Variants in AMZ1 observed in about 807,000 individuals in gnomAD.
The protein encoded by AMZ1 is archaelysin family metallopeptidase 1.
A neutral mutation model predicts 29.9 loss-of-function variants in AMZ1; 39 were observed. The observed-to-expected ratio is 1.30, with a 90% CI of 1.01 to 1.70. AMZ1 has a LOEUF of 1.70. Ranked by LOEUF, AMZ1 falls within the 40% of genes most tolerant of loss-of-function variation. The pLI, the probability that AMZ1 is intolerant of heterozygous loss-of-function variation, is 0.00. For synonymous variants in AMZ1, 458 were observed against 304.0 expected, an observed-to-expected ratio of 1.51 and a Z score of -5.27; for missense variants, 1,041 against 680.6, an observed-to-expected ratio of 1.53 and a Z score of -5.89.
At chr7:2,688,815 G>T (rs1212212679) in intron 1 of AMZ1, among the ~76,000 whole-genome samples, 3 of 152,220 alleles carry the variant, frequency 2.0e-5, no homozygotes, top group Non-Finnish European at 4.4e-5. Flanking sequence ...GACTGAGGGA[G>T]AAGGCTGTGG....
intron 2 of AMZ1, 44 bp from the exon 3 acceptor site, chr7:2,702,678 C>G: frequency 6.7e-7 from 1 of 1,484,744 alleles, no homozygotes. Flanking sequence ...GGGTCCCAGG[C>G]GGGCAGGGGC....
chr7:2,739,055 G>A (rs1790364199), intron 4 of AMZ1, among the ~76,000 whole-genome samples: 1 of 152,236 alleles, frequency 6.6e-6, no homozygotes, highest in South Asian at 2.1e-4. Flanking sequence ...ACAACTGTAA[G>A]CTCAGGCTCC....
chr7:2,696,458 C>T lies in AMZ1; in HGVS notation c.-218-3776C>T, dbSNP rs374014763. On this transcript the variant is annotated intron_variant, in intron 1 of 6. Coordinates refer to ENST00000683327, the MANE Select transcript of AMZ1 (RefSeq NM_001384743.1). ...ATTTTTAGTAGAGACGGGGTTTCACCATGTTAGCCAGGATGGTCTCGATCT... is the reference window on the plus strand; with the variant it reads ...ATTTTTAGTAGAGACGGGGTTTCACTATGTTAGCCAGGATGGTCTCGATCT... Among the ~76,000 whole-genome samples, 248 of 150,468 alleles carry T rather than the reference C, an allele frequency of 1.6e-3. 1 individual carries two copies. Among genetic ancestry groups the T allele is most frequent in the South Asian group, 9.9e-3 (46 of 4,666 alleles).
chr7:2,682,047 C>T (rs577095803), intron 1 of AMZ1, among the ~76,000 whole-genome samples: 1 of 152,298 alleles, frequency 6.6e-6, no homozygotes, highest in South Asian at 2.1e-4. Flanking sequence ...CCCCCAGCTC[C>T]AGCCGCTCTG....
At position 2,709,122 on chromosome 7, in the gene AMZ1, T is replaced by G. The variant is rs1788571723; in HGVS notation, c.649T>G (p.Ser217Ala). Reference sequence around the variant, plus strand: ...CCGGTTCTCAGGGGAATTCCCGAAGTCGGGGCCCAGCGCCCCTGATCTGGC... The same window carrying G: ...CCGGTTCTCAGGGGAATTCCCGAAGGCGGGGCCCAGCGCCCCTGATCTGGC... ...FARFSGEFPKSGPSAPDLALV... is the reference protein window; with the variant it reads ...FARFSGEFPKAGPSAPDLALV... Residue 217 changes from serine (S) to alanine (A), a missense_variant, in exon 5 of 7, where the codon TCG becomes GCG. Physicochemically the swap from Ser to Ala is moderately conservative, Grantham distance 99. Coordinates refer to ENST00000683327, the MANE Select transcript of AMZ1 (RefSeq NM_001384743.1). 7 of 1,600,598 alleles carry G rather than the reference T, an allele frequency of 4.4e-6. No individual in the cohort carries two copies. The highest frequency in any genetic ancestry group is 6.0e-6 in the Non-Finnish European group (7 of 1,173,886).
chr7:2,710,556 G>A (rs1788708997), intron 6 of AMZ1, among the ~76,000 whole-genome samples: 1 of 152,274 alleles, frequency 6.6e-6, no homozygotes, highest in African/African-American at 2.4e-5. Flanking sequence ...CCCCTGCAGG[G>A]CCTAGCTGGG....
intron 4 of AMZ1, among the ~76,000 whole-genome samples, chr7:2,751,399 G>GAA (rs67434697): frequency 0.035 from 3,510 of 101,158 alleles, 79 homozygotes; most frequent in African/African-American, 0.079. Flanking sequence ...AAAGAAAAAA[G>GAA]AAAAAAAAAA....
chr7:2,754,602 G>T (rs1791201341), intron 4 of AMZ1, among the ~76,000 whole-genome samples: 1 of 150,448 alleles, frequency 6.6e-6, no homozygotes, highest in African/African-American at 2.4e-5. Flanking sequence ...AAAAAAATTA[G>T]CCAGGTATAG....
At chr7:2,735,480 C>T (rs1032503281) in intron 4 of AMZ1, among the ~76,000 whole-genome samples, 9 of 152,128 alleles carry the variant, frequency 5.9e-5, no homozygotes, top group East Asian at 1.9e-4. Context: ...CCAGATAGTA[C>T]GGACGCAAGG....
At position 2,709,729 on chromosome 7, in the gene AMZ1, G is replaced by C; in HGVS notation, c.861G>C (p.Glu287Asp). The C allele has an allele frequency of 6.2e-7, 1 of 1,611,430 alleles. No homozygotes were observed. ...TGCAGGGTGCGCTCAGCCTGGACGA[G>C]GCCCTGCGGCGGCCCCTGGACCTCT... ...CLMQGALSLD[E>D]ALRRPLDLCP... Residue 287 changes from glutamate to aspartate, a missense_variant, in exon 6 of 7, where the codon GAG (glutamate) becomes GAC (aspartate). By Grantham distance (45) the Glu-to-Asp change is conservative. Transcript: ENST00000683327.
chr7:2,699,899 G>T (rs917099821), intron 1 of AMZ1, among the ~76,000 whole-genome samples: 25 of 152,202 alleles, frequency 1.6e-4, no homozygotes, highest in African/African-American at 6.0e-4. Flanking sequence ...TTGCCCTTCT[G>T]TGGGGGCCCA....
intron 4 of AMZ1, among the ~76,000 whole-genome samples, chr7:2,742,921 T>C (rs879318053): frequency 6.6e-6 from 1 of 152,256 alleles, no homozygotes; most frequent in African/African-American, 2.4e-5. Flanking sequence ...ATTCTAATAA[T>C]AGACCTGTAG....
At chr7:2,741,990 A>G (rs1172446417) in intron 4 of AMZ1, among the ~76,000 whole-genome samples, 1 of 151,910 alleles carries the variant, frequency 6.6e-6, no homozygotes, top group Non-Finnish European at 1.5e-5. Flanking sequence ...ATGCCTCTTT[A>G]GTTTCATTTA....
chr7:2,726,996 C>T (rs888588798), intron 4 of AMZ1, among the ~76,000 whole-genome samples: 6 of 152,214 alleles, frequency 3.9e-5, no homozygotes, highest in African/African-American at 1.2e-4. Context: ...CTCTCATGCT[C>T]ACATGCATGT....
At chr7:2,723,856 T>C (rs1789516603), downstream of AMZ1, among the ~76,000 whole-genome samples, 2 of 152,182 alleles carry the variant, frequency 1.3e-5, no homozygotes, top group Non-Finnish European at 2.9e-5. Flanking sequence ...GCCACGCTCT[T>C]GACCACCCCT....
intron 1 of AMZ1, among the ~76,000 whole-genome samples, chr7:2,690,410 G>C (rs7786592): frequency 6.6e-6 from 1 of 152,044 alleles, no homozygotes; most frequent in Non-Finnish European, 1.5e-5. Flanking sequence ...TGTAGAGACG[G>C]GGTTTTGCCA....
chr7:2,726,479 G>A (rs1186814845), intron 4 of AMZ1, among the ~76,000 whole-genome samples: 2 of 152,190 alleles, frequency 1.3e-5, no homozygotes, highest in African/African-American at 4.8e-5. Context: ...CCGGGTGAGA[G>A]CTCCTCAGGT....
rs1789003099 is a variant in AMZ1, at chr7:2,714,477, A to G, written c.*1599A>G. ...TCCCGTTCTCTTTTGCGTAGCTTCAAAAAGGCGTAACAGTGACCTGGGAGG... is the reference window on the plus strand; with the variant it reads ...TCCCGTTCTCTTTTGCGTAGCTTCAGAAAGGCGTAACAGTGACCTGGGAGG... On this transcript the variant is annotated 3_prime_UTR_variant, in exon 7 of 7. Transcript: ENST00000683327. 1 of 152,330 alleles carries G rather than the reference A, an allele frequency of 6.6e-6. No homozygotes were observed. The highest frequency in any genetic ancestry group is 1.5e-5 in the Non-Finnish European group (1 of 68,036). The allele number at this position is 152,330 out of a possible 1,614,324, so 9.4% of individuals were successfully genotyped here. A position where few individuals can be genotyped will look rare whatever the true frequency, so the allele number is the denominator to read the frequency against.
In AMZ1 at chr7:2,715,009, G is replaced by A. The variant is rs889109257; in HGVS notation, c.*2131G>A. 6.6e-6 allele frequency: 1 copy of A among 152,322 alleles called. No homozygotes were observed. The highest frequency in any genetic ancestry group is 2.4e-5 in the African/African-American group (1 of 41,440). 9.4% of individuals were successfully genotyped at this position (152,322 alleles called of 1,614,324 possible). ...CTTCTAAAGGGCATGACAGTGACCT[G>A]GGAGGTAACTGTGCCAGAATAAAGA... On this transcript the variant is annotated 3_prime_UTR_variant, in exon 7 of 7. Transcript: ENST00000683327.
Sources: gnomAD v4.1 joint callset for allele counts (sites outside exome capture counted in the v4.1 genomes callset) on GRCh38, gnomAD v4.1.1 for gene constraint, MANE v1.5 for transcripts, NCBI Gene and HGNC (gene_info 2026-07-23, HGNC 2026-07-21) for gene names.